The following PREX1 variants were observed in gnomAD, a reference collection of about 807,000 sequenced individuals.
PREX1 encodes the protein phosphatidylinositol-3,4,5-trisphosphate dependent Rac exchange factor 1.
Under a neutral mutation model 198.3 loss-of-function variants are expected in PREX1, and 41 were observed. That is an observed-to-expected ratio of 0.21 (90% CI 0.16 to 0.27). PREX1 has a LOEUF of 0.27. Among genes scored for constraint, PREX1 ranks in the 10% least tolerant of loss-of-function variants. The probability of loss-of-function intolerance (pLI) is 1.00; values close to 1 mark genes in which losing one functional copy is unlikely to be tolerated. For missense variants in PREX1, 1,620 were observed against 2,200.7 expected (o/e 0.74, Z 5.28); for synonymous variants, 843 against 887.2 (o/e 0.95, Z 0.89).
At chr20:48,630,441 T>G (rs116378346) in intron 36 of PREX1, among the ~76,000 whole-genome samples, 1 of 152,370 alleles carries the variant, frequency 6.6e-6, no homozygotes, top group African/African-American at 2.4e-5. Flanking sequence ...ACAGGTTACA[T>G]CTGTCATGAG....
At chr20:48,653,521 G>C (rs372782735) in intron 19 of PREX1, 24 bp from the exon 20 acceptor site, 1 of 1,590,992 alleles carries the variant, frequency 6.3e-7, no homozygotes, top group Admixed American at 1.7e-5. Context: ...GAGCACATGA[G>C]GCTGGATGCC....
At chr20:48,850,703 G>C in the PREX1 span, among the ~76,000 whole-genome samples, 1 of 152,180 alleles carries the variant, frequency 6.6e-6, no homozygotes, top group Non-Finnish European at 1.5e-5. Context: ...GAGGAGGGGA[G>C]CTGGGACTGG....
At position 48,666,247 on chromosome 20, in the gene PREX1, G is replaced by C; in HGVS notation, c.1738+36C>G. 6.5e-7 allele frequency: 1 copy of C among 1,529,610 alleles called. No individual in the cohort carries two copies. Among genetic ancestry groups the C allele is most frequent in the South Asian group, 1.2e-5 (1 of 83,694 alleles). The allele number at this position is 1,529,610 out of a possible 1,614,324, so 94.8% of individuals were successfully genotyped here. ...CCAAACCATCAGCTCCAGGGAGCAA[G>C]GTCCCGGGGGCTGGGCTGCAGGTGG... On this transcript the variant is annotated intron_variant, in intron 15 of 39. Transcript: ENST00000371941. The surrounding 1 kb of genome is among the most constrained non-coding windows in gnomAD (Gnocchi z 4.3).
chr20:48,737,879 C>CACT (rs2122738550), intron 3 of PREX1, among the ~76,000 whole-genome samples: 1 of 152,302 alleles, frequency 6.6e-6, no homozygotes, highest in East Asian at 1.9e-4. Context: ...AATCATCATA[C>CACT]GGAGTCCTGG....
intron 1 of PREX1, among the ~76,000 whole-genome samples, chr20:48,763,173 T>C (rs576936796): frequency 2.0e-5 from 3 of 152,328 alleles, no homozygotes; most frequent in South Asian, 4.1e-4. Flanking sequence ...AAGAAATAGA[T>C]ACCTGCATCA....
rs750669470 is a variant in PREX1 at position 48,636,666 on chromosome 20, G to A, written c.3964C>T (p.Arg1322Cys). 3.1e-6 allele frequency: 5 copies of A among 1,606,012 alleles called. No homozygotes were observed. The highest frequency in any genetic ancestry group is 1.1e-5 in the South Asian group (1 of 90,348). Residue 1322 changes from arginine to cysteine, a missense_variant, in exon 32 of 40, where the codon CGC (arginine) becomes TGC (cysteine). Physicochemically the swap from Arg to Cys is radical, Grantham distance 180 (BLOSUM62 -3). Transcript: ENST00000371941. The part of the protein sequence containing the change: ...LKCTDTELQL[R>C]RDAIFCQALV... Reference sequence around the variant, plus strand: ...GCCTGGCAGAAGATCGCGTCTCTGCGCAGCTGCAGCTCCGTGTCTGGGGGC... The same window carrying A: ...GCCTGGCAGAAGATCGCGTCTCTGCACAGCTGCAGCTCCGTGTCTGGGGGC...
chr20:48,634,843 G>A, intron 32 of PREX1, 68 bp from the exon 33 acceptor site: 2 of 1,421,290 alleles, frequency 1.4e-6, no homozygotes, highest in Non-Finnish European at 2.0e-6. Flanking sequence ...CTATCAAGAT[G>A]CTGAATTCAA....
intron 13 of PREX1, among the ~76,000 whole-genome samples, chr20:48,677,061 G>A (rs890036826): frequency 6.6e-6 from 1 of 152,216 alleles, no homozygotes; most frequent in African/African-American, 2.4e-5. Flanking sequence ...CGCTTCTGTG[G>A]CCAGTCCATG....
chr20:48,705,073 C>T (rs1215243107), intron 6 of PREX1, among the ~76,000 whole-genome samples: 2 of 152,198 alleles, frequency 1.3e-5, no homozygotes, highest in Admixed American at 6.5e-5. Context: ...ATGTATTGGG[C>T]GTTTTCTCTG....
In PREX1 at chr20:48,721,003, T is replaced by G. The variant is rs143580041; in HGVS notation, c.621+5287A>C. 2.2e-3 allele frequency among the ~76,000 whole-genome samples: 329 copies of G among 152,340 alleles called. 1 individual carries two copies. Among genetic ancestry groups the G allele is most frequent in the Non-Finnish European group, 4.0e-3 (273 of 68,020 alleles). Reference sequence around the variant, plus strand: ...ACCCCACTAGAGCAGCTGTTCCGAATGGACAGGTCCCAGGATGTGTCCTGT... The same window carrying G: ...ACCCCACTAGAGCAGCTGTTCCGAAGGGACAGGTCCCAGGATGTGTCCTGT... On this transcript the variant is annotated intron_variant, in intron 5 of 39. Coordinates refer to ENST00000371941, the MANE Select transcript of PREX1 (RefSeq NM_020820.4).
intron 10 of PREX1, among the ~76,000 whole-genome samples, chr20:48,688,384 T>C (rs1430731912): frequency 6.6e-6 from 1 of 152,312 alleles, no homozygotes; most frequent in East Asian, 1.9e-4. Flanking sequence ...CAGTAAGCTC[T>C]GTGAAACCTC....
At chr20:48,778,111 T>C (rs1009260230) in intron 1 of PREX1, among the ~76,000 whole-genome samples, 1 of 152,118 alleles carries the variant, frequency 6.6e-6, no homozygotes, top group Non-Finnish European at 1.5e-5. Flanking sequence ...ACAGCCGGAT[T>C]TCTGTTTCCC....
chr20:48,729,715 T>C (rs2122711277), intron 4 of PREX1, among the ~76,000 whole-genome samples: 1 of 152,146 alleles, frequency 6.6e-6, no homozygotes. Flanking sequence ...TCCAACCACC[T>C]CTCCCACCAC....
At chr20:48,775,661 TTTCCCGTGCTG>T (rs3091640) in intron 1 of PREX1, among the ~76,000 whole-genome samples, 51,424 of 151,852 alleles carry the variant, frequency 0.34, 9,989 homozygotes, top group Non-Finnish European at 0.43. Context: ...GGGGCAGGTC[TTTCCCGTGCTG>T]TTCTCGTGAT....
At chr20:48,765,101 C>T (rs2090202550) in intron 1 of PREX1, among the ~76,000 whole-genome samples, 2 of 152,232 alleles carry the variant, frequency 1.3e-5, no homozygotes, top group East Asian at 1.9e-4. Flanking sequence ...TAGCTCGAAA[C>T]ATGTACACGA....
intron 1 of PREX1, among the ~76,000 whole-genome samples, chr20:48,821,301 T>C (rs889157439): frequency 6.6e-6 from 1 of 152,198 alleles, no homozygotes; most frequent in Non-Finnish European, 1.5e-5. Flanking sequence ...GGGATGGAAC[T>C]CTAACAAACT....
intron 29 of PREX1, 139 bp downstream of exon 29, chr20:48,642,029 T>C (rs1380079231): frequency 1.2e-6 from 1 of 805,248 alleles, no homozygotes; most frequent in Non-Finnish European, 2.0e-6. Context: ...ATGTGGCCCA[T>C]GGGCTAAAAT....
chr20:48,876,858 T>C, the PREX1 span, among the ~76,000 whole-genome samples: 10 of 152,268 alleles, frequency 6.6e-5, no homozygotes, highest in South Asian at 2.1e-4. Context: ...GTCAGAACCA[T>C]TGGGGTATCT....
intron 3 of PREX1, among the ~76,000 whole-genome samples, chr20:48,738,905 A>G (rs1248810352): frequency 6.6e-6 from 1 of 152,140 alleles, no homozygotes; most frequent in Admixed American, 6.5e-5. Context: ...TCCAGTGGGG[A>G]GGAGAGAAGT....
Sources: gnomAD v4.1 joint callset for allele counts (sites outside exome capture counted in the v4.1 genomes callset) on GRCh38, gnomAD v4.1.1 for gene constraint, Gnocchi (gnomAD v3.1) non-coding constraint, MANE v1.5 for transcripts, NCBI Gene and HGNC (gene_info 2026-07-23, HGNC 2026-07-21) for gene names.